TNPO1: variants seen among roughly 807,000 people sequenced by gnomAD.
TNPO1 encodes the protein transportin-1.
A neutral mutation model predicts 119.5 loss-of-function variants in TNPO1; 8 were observed. That is an observed-to-expected ratio of 0.07 (90% CI 0.04 to 0.12). TNPO1 has a LOEUF of 0.12. Ranked by LOEUF, TNPO1 falls within the 10% of genes least tolerant of loss-of-function variation. TNPO1 has a pLI of 1.00. For missense variants in TNPO1, 576 were observed against 1,089.8 expected, an observed-to-expected ratio of 0.53 and a Z score of 6.64; for synonymous variants, 362 against 363.0, an observed-to-expected ratio of 1.00 and a Z score of 0.03.
At chr5:72,835,282 T>C (rs1744650813) in intron 1 of TNPO1, among the ~76,000 whole-genome samples, 1 of 152,252 alleles carries the variant, frequency 6.6e-6, no homozygotes, top group Admixed American at 6.5e-5. Flanking sequence ...ATTCTTCCAA[T>C]ATTTCTGTTT....
At chr5:72,896,408 A>G in intron 18 of TNPO1, 50 bp from the exon 19 acceptor site, 1 of 1,310,010 alleles carries the variant, frequency 7.6e-7, no homozygotes, top group Non-Finnish European at 1.1e-6. Flanking sequence ...TTTAAAGTAC[A>G]ATATACTGCT....
At chr5:72,819,082 T>C (rs1168246437) in intron 1 of TNPO1, among the ~76,000 whole-genome samples, 1 of 152,136 alleles carries the variant, frequency 6.6e-6, no homozygotes, top group Non-Finnish European at 1.5e-5. Context: ...GAGAAGAGGT[T>C]TATTATTTAG....
At chr5:72,875,144 A>G (rs1002998730) in intron 7 of TNPO1, among the ~76,000 whole-genome samples, 2 of 152,226 alleles carry the variant, frequency 1.3e-5, no homozygotes, top group Admixed American at 1.3e-4. Context: ...ACAGCATAAT[A>G]TTTATTACTA....
intron 8 of TNPO1, among the ~76,000 whole-genome samples, chr5:72,875,946 A>G (rs1269588529): frequency 6.6e-6 from 1 of 152,214 alleles, no homozygotes; most frequent in African/African-American, 2.4e-5. Context: ...TATGTTATCT[A>G]GAGCCTCCTT....
chr5:72,851,363 A>G, intron 3 of TNPO1, 44 bp downstream of exon 3: 2 of 1,139,390 alleles, frequency 1.8e-6, no homozygotes, highest in Non-Finnish European at 2.6e-6. Flanking sequence ...TTTCTTTAAG[A>G]CCTGTTTAAA....
chr5:72,887,300 A>G, intron 12 of TNPO1, 78 bp downstream of exon 12: 1 of 1,048,040 alleles, frequency 9.5e-7, no homozygotes, highest in Non-Finnish European at 1.3e-6. Flanking sequence ...GGCTACTTTA[A>G]GGAATTTCTA....
At chr5:72,907,970 T>C (rs1024723102) in intron 24 of TNPO1, among the ~76,000 whole-genome samples, 14 of 152,186 alleles carry the variant, frequency 9.2e-5, no homozygotes, top group African/African-American at 3.4e-4. Context: ...GGAGGATTGC[T>C]TGAGCCCAGG....
At chr5:72,896,276 AT>A (rs1749421642) in intron 18 of TNPO1, among the ~76,000 whole-genome samples, 181 bp from the exon 19 acceptor site, 1 of 152,178 alleles carries the variant, frequency 6.6e-6, no homozygotes, top group African/African-American at 2.4e-5. Flanking sequence ...TTTAAAAAAT[AT>A]TTTTAAATAC....
Position 72,891,206 on chromosome 5 carries a change from C to G in TNPO1, c.1702-604C>G, listed in dbSNP as rs570609858. Among the ~76,000 whole-genome samples the G allele has an allele frequency of 1.2e-3, 183 of 152,048 alleles. 1 individual carries two copies. Among genetic ancestry groups the G allele is most frequent in the Non-Finnish European group, 2.3e-3 (154 of 67,978 alleles). ...TTAGGTCTGGGCACAGTGGCTCACA[C>G]CTGTAATCCCAGCACTTTGGGAGGC... On this transcript the variant is annotated intron_variant, in intron 14 of 24. Transcript: ENST00000337273.
chr5:72,904,847 AAG>A (rs1475573625), intron 23 of TNPO1, among the ~76,000 whole-genome samples: 30 of 152,164 alleles, frequency 2.0e-4, no homozygotes, highest in African/African-American at 7.2e-4. Flanking sequence ...TTACAAAAGA[AAG>A]AGGTTTAATT....
chr5:72,865,128 G>T (rs933635286), intron 5 of TNPO1, among the ~76,000 whole-genome samples: 27 of 152,020 alleles, frequency 1.8e-4, no homozygotes, highest in African/African-American at 6.5e-4. Flanking sequence ...CATACTCGAT[G>T]ATATAATAAT....
intron 7 of TNPO1, among the ~76,000 whole-genome samples, chr5:72,874,044 A>G (rs1432477080): frequency 1.3e-5 from 2 of 152,176 alleles, no homozygotes; most frequent in Non-Finnish European, 2.9e-5. Flanking sequence ...AAATTGAATT[A>G]TCTCTGAAAA....
chr5:72,818,713 C>T (rs1743808101), intron 1 of TNPO1, among the ~76,000 whole-genome samples: 1 of 152,120 alleles, frequency 6.6e-6, no homozygotes, highest in Non-Finnish European at 1.5e-5. Context: ...TATTTGAATA[C>T]ATATTGGTGC....
chr5:72,852,227 T>G (rs1034372811), intron 3 of TNPO1, among the ~76,000 whole-genome samples: 10 of 152,244 alleles, frequency 6.6e-5, no homozygotes, highest in South Asian at 2.1e-4. Flanking sequence ...TATGACAGTT[T>G]AAAGCCTGAG....
intron 4 of TNPO1, among the ~76,000 whole-genome samples, chr5:72,856,924 A>G (rs1447825502): frequency 6.6e-6 from 1 of 152,198 alleles, no homozygotes; most frequent in African/African-American, 2.4e-5. Context: ...CCTTTAGTAT[A>G]CCATGGGCTT....
chr5:72,852,290 C>T (rs34656), intron 3 of TNPO1, among the ~76,000 whole-genome samples: 125,165 of 152,148 alleles, frequency 0.82, 51,726 homozygotes, highest in Non-Finnish European at 0.86. Context: ...TAATATGTAA[C>T]GCATCCCACT....
intron 22 of TNPO1, among the ~76,000 whole-genome samples, chr5:72,901,518 A>C (rs893787419): frequency 6.6e-6 from 1 of 152,178 alleles, no homozygotes; most frequent in African/African-American, 2.4e-5. Flanking sequence ...CAGCCATTGA[A>C]ATTGCTCTAA....
Position 72,889,670 on chromosome 5 carries a change from C to A in TNPO1, c.1530-116C>A, listed in dbSNP as rs1355694590. 3.5e-6 allele frequency: 4 copies of A among 1,150,906 alleles called. No individual in the cohort carries two copies. The African/African-American group carries it at 4.7e-5, about 14-fold the overall frequency. The allele number at this position is 1,150,906 out of a possible 1,614,324, so 71.3% of individuals were successfully genotyped here. Reference sequence around the variant, plus strand: ...GACCAGGGCTTTCATTAACAGATGGCTTAGACCATTTTAGGAAATTCCTGA... The same window carrying A: ...GACCAGGGCTTTCATTAACAGATGGATTAGACCATTTTAGGAAATTCCTGA... On this transcript the variant is annotated intron_variant, in intron 13 of 24. Coordinates refer to ENST00000337273, the MANE Select transcript of TNPO1 (RefSeq NM_002270.4).
At chr5:72,848,361 TC>T in intron 1 of TNPO1, 23 bp from the exon 2 acceptor site, 4 of 1,605,640 alleles carry the variant, frequency 2.5e-6, no homozygotes, top group South Asian at 1.1e-5. Context: ...CTCCGTCTCT[TC>T]CTGTGTCTGG....
Sources: gnomAD v4.1 joint callset for allele counts (sites outside exome capture counted in the v4.1 genomes callset) on GRCh38, gnomAD v4.1.1 for gene constraint, MANE v1.5 for transcripts, NCBI Gene and HGNC (gene_info 2026-07-23, HGNC 2026-07-21) for gene names.